The following RIMBP2 variants were observed in gnomAD, a reference collection of about 807,000 sequenced individuals.
RIMBP2 encodes RIMS-binding protein 2.
A neutral mutation model predicts 118.6 loss-of-function variants in RIMBP2; 48 were observed. That is an observed-to-expected ratio of 0.40 (90% CI 0.32 to 0.51). The LOEUF is 0.51. Among genes scored for constraint, RIMBP2 ranks in the 20% least tolerant of loss-of-function variants. The pLI is 0.41. For missense variants in RIMBP2, 1,551 were observed against 1,768.3 expected, an observed-to-expected ratio of 0.88 and a Z score of 2.20; for synonymous variants, 762 against 742.9, an observed-to-expected ratio of 1.03 and a Z score of -0.42.
chr12:130,477,207 G>A lies in RIMBP2; in HGVS notation c.102+1705C>T, dbSNP rs569003243. ...AACTGGACAGCACACAGAAGAGATC[G>A]TGGACGCGGAATAACAGAGTCAGTT... is the stretch of plus-strand genomic sequence containing the variant. On this transcript the variant is annotated intron_variant, in intron 5 of 22. Transcript: ENST00000690449. 1.2e-4 allele frequency among the ~76,000 whole-genome samples: 18 copies of A among 152,314 alleles called. 1 individual carries two copies. In the South Asian group the frequency reaches 3.1e-3, roughly 26 times the overall value.
In RIMBP2 at chr12:130,664,360, CAT is replaced by C. The variant is rs202063166; in HGVS notation, c.-351-35906_-351-35905del. Reference sequence around the variant, plus strand: ...AGAAATACACACACACATGCACACACATATGCACGTGCATGCACGCACGCGCA... The same window carrying C: ...AGAAATACACACACACATGCACACACATGCACGTGCATGCACGCACGCGCA... On this transcript the variant is annotated intron_variant, in intron 1 of 22. Coordinates refer to ENST00000690449, the MANE Select transcript of RIMBP2 (RefSeq NM_001393629.1). Among the ~76,000 whole-genome samples the C allele has an allele frequency of 6.7e-3, 1,018 of 150,856 alleles. 41 individuals carry two copies. The highest frequency in any genetic ancestry group is 0.023 in the African/African-American group (940 of 40,612).
At chr12:130,527,206 A>G (rs185941225) in intron 2 of RIMBP2, among the ~76,000 whole-genome samples, 3 of 152,372 alleles carry the variant, frequency 2.0e-5, no homozygotes, top group Admixed American at 2.0e-4. Context: ...GGCAATTTAA[A>G]TGAGATAATT....
intron 6 of RIMBP2, among the ~76,000 whole-genome samples, chr12:130,462,169 C>A (rs552281243): frequency 2.6e-5 from 4 of 152,190 alleles, no homozygotes; most frequent in Non-Finnish European, 4.4e-5. Context: ...TAGATGCCCC[C>A]GGCTGTACCC....
chr12:130,572,952 T>TC (rs1272673004), intron 2 of RIMBP2, among the ~76,000 whole-genome samples: 7 of 151,606 alleles, frequency 4.6e-5, no homozygotes, highest in African/African-American at 1.2e-4. Flanking sequence ...AGGGCATCCT[T>TC]CCCCCCGGGG....
intron 2 of RIMBP2, among the ~76,000 whole-genome samples, chr12:130,602,527 T>C (rs920038093): frequency 6.6e-6 from 1 of 152,226 alleles, no homozygotes; most frequent in Non-Finnish European, 1.5e-5. Context: ...GTGGCAGCGC[T>C]GGGAGCTGCT....
intron 4 of RIMBP2, among the ~76,000 whole-genome samples, chr12:130,485,335 G>A (rs975047696): frequency 6.6e-6 from 1 of 152,250 alleles, no homozygotes; most frequent in African/African-American, 2.4e-5. Flanking sequence ...ACAGACTCAG[G>A]GAAGCTGAGC....
chr12:130,481,502 C>T (rs1413602915), intron 4 of RIMBP2, among the ~76,000 whole-genome samples: 1 of 152,180 alleles, frequency 6.6e-6, no homozygotes, highest in Non-Finnish European at 1.5e-5. Flanking sequence ...TCTCTGCTGT[C>T]TCCAGAAGAG....
intron 1 of RIMBP2, among the ~76,000 whole-genome samples, chr12:130,634,742 C>T (rs1407782225): frequency 1.3e-5 from 2 of 152,082 alleles, no homozygotes; most frequent in Non-Finnish European, 2.9e-5. Flanking sequence ...CCAGTGCTTA[C>T]CACCATGCCT....
chr12:130,679,641 T>C (rs1397157299), intron 1 of RIMBP2, among the ~76,000 whole-genome samples: 1 of 152,186 alleles, frequency 6.6e-6, no homozygotes, highest in Non-Finnish European at 1.5e-5. Context: ...CTGTGATGTG[T>C]ACCCTTTTCT....
intron 1 of RIMBP2, among the ~76,000 whole-genome samples, chr12:130,644,226 C>G (rs763828225): frequency 5.3e-5 from 8 of 152,140 alleles, no homozygotes; most frequent in Non-Finnish European, 1.2e-4. Flanking sequence ...AACTCACTCA[C>G]ACACACACAC....
chr12:130,486,760 C>A (rs555048310), intron 4 of RIMBP2, among the ~76,000 whole-genome samples: 6 of 152,098 alleles, frequency 3.9e-5, no homozygotes, highest in African/African-American at 1.4e-4. Context: ...AAACTCCCCC[C>A]ACCCATGTCT....
chr12:130,451,330 G>A lies in RIMBP2; in HGVS notation c.369C>T (p.Ser123=), dbSNP rs140470099. The change falls in exon 8 of 23, where the codon AGC becomes AGT. Residue 123 remains serine, a synonymous_variant. Transcript: ENST00000690449. ...CGATCGCAGAGCTGCCTCCAATAGC[G>A]CTCTCCTGACCTGGCCACGAACATT... The part of the protein sequence containing the change: ...LATSLGKGQE[S]AIGGSSAIGE... The A allele has an allele frequency of 7.0e-5, 113 of 1,612,142 alleles. 1 individual carries two copies. The highest frequency in any genetic ancestry group is 1.6e-4 in the South Asian group (15 of 90,980).
Position 130,689,463 on chromosome 12 carries a change from C to G in RIMBP2, c.-352+26759G>C, listed in dbSNP as rs140323179. ...ATTAATTAATTAATTAAATAAGTAA[C>G]GACATCCCCTTCTCTTTCATTAGAC... On this transcript the variant is annotated intron_variant, in intron 1 of 22. Transcript: ENST00000690449. 3.3e-5 allele frequency among the ~76,000 whole-genome samples: 5 copies of G among 152,222 alleles called. No homozygotes were observed. The East Asian group carries it at 5.8e-4, about 18-fold the overall frequency.
chr12:130,711,321 G>A (rs2136890266), intron 1 of RIMBP2, among the ~76,000 whole-genome samples: 2 of 152,286 alleles, frequency 1.3e-5, no homozygotes, highest in Middle Eastern at 6.8e-3. Flanking sequence ...GAGGTTCCTT[G>A]TCCAGGGAAA....
chr12:130,538,637 G>C (rs754153429), intron 2 of RIMBP2, among the ~76,000 whole-genome samples: 1 of 152,174 alleles, frequency 6.6e-6, no homozygotes, highest in Non-Finnish European at 1.5e-5. Flanking sequence ...GCTATAATAA[G>C]CAAGTATGTT....
At chr12:130,700,518 C>T (rs2065806689) in intron 1 of RIMBP2, among the ~76,000 whole-genome samples, 1 of 152,148 alleles carries the variant, frequency 6.6e-6, no homozygotes, top group Admixed American at 6.5e-5. Flanking sequence ...GAATGTCCTT[C>T]TGGAGATGGA....
rs1332879961 is a variant in RIMBP2 at position 130,531,736 on chromosome 12, T to A, written c.-216-13819A>T. ...GTATGAACAGAGCAAAGTTCACCCA[T>A]GTCATAGATTTTGTCTTCTAAAAGC... On this transcript the variant is annotated intron_variant, in intron 2 of 22. Transcript: ENST00000690449. Among the ~76,000 whole-genome samples the A allele has an allele frequency of 2.0e-5, 3 of 152,250 alleles. No homozygotes were observed. The East Asian group carries it at 5.8e-4, about 29-fold the overall frequency.
rs1201572933 is a variant in RIMBP2 at position 130,397,256 on chromosome 12, AG to A, written c.*104del. On this transcript the variant is annotated 3_prime_UTR_variant, in exon 23 of 23. Transcript: ENST00000690449. ...AAAAGTGCATTTCTCTACTGGTGTC[AG>A]GGGAGAAGATTGGGTTTTTTTAGGA... 1.5e-5 allele frequency: 6 copies of A among 395,180 alleles called. No individual in the cohort carries two copies. Among genetic ancestry groups the A allele is most frequent in the African/African-American group, 1.2e-4 (6 of 48,666 alleles). The allele number at this position is 395,180 out of a possible 1,614,324, so 24.5% of individuals were successfully genotyped here.
chr12:130,434,611 G>T lies in RIMBP2; in HGVS notation c.2253+123C>A. 1 of 1,034,964 alleles carries T rather than the reference G, an allele frequency of 9.7e-7. No homozygotes were observed. Among genetic ancestry groups the T allele is most frequent in the Non-Finnish European group, 1.4e-6 (1 of 728,144 alleles). The allele number at this position is 1,034,964 out of a possible 1,614,324, so 64.1% of individuals were successfully genotyped here. ...GCACGACTTAGGACCCCAGCTGGGC[G>T]TCTCCATCTCTCTCAGGGACCCAAG... On this transcript the variant is annotated intron_variant, in intron 14 of 22. Transcript: ENST00000690449. This position sits in a 1 kb window ranked among gnomAD's most constrained non-coding sequence, Gnocchi z 5.7.
Sources: gnomAD v4.1 joint callset for allele counts (sites outside exome capture counted in the v4.1 genomes callset) on GRCh38, gnomAD v4.1.1 for gene constraint, Gnocchi (gnomAD v3.1) non-coding constraint, MANE v1.5 for transcripts, NCBI Gene and HGNC (gene_info 2026-07-23, HGNC 2026-07-21) for gene names.